TCAIM: variants seen among roughly 807,000 people sequenced by gnomAD.
TCAIM encodes the protein T-cell activation inhibitor, mitochondrial.
TCAIM carries 36 observed loss-of-function variants against 58.6 expected under a neutral mutation model. That is an observed-to-expected ratio of 0.61 (90% CI 0.47 to 0.81). The LOEUF is 0.81. TCAIM is among the 30% of genes least tolerant of loss of function. The probability of loss-of-function intolerance (pLI) is 0.00; values close to 1 mark genes in which losing one functional copy is unlikely to be tolerated. For missense variants in TCAIM, 466 were observed against 579.6 expected (o/e 0.80, Z 2.01); for synonymous variants, 172 against 193.6 (o/e 0.89, Z 0.93).
rs1702123809 is a variant in TCAIM, at chr3:44,407,747, C to T, written c.*65C>T. The T allele has an allele frequency of 7.0e-6, 10 of 1,437,304 alleles. No individual in the cohort carries two copies. Among genetic ancestry groups the T allele is most frequent in the Non-Finnish European group, 8.3e-6 (9 of 1,078,398 alleles). The allele number at this position is 1,437,304 out of a possible 1,614,324, so 89.0% of individuals were successfully genotyped here. A position where few individuals can be genotyped will look rare whatever the true frequency, so the allele number is the denominator to read the frequency against. Reference sequence around the variant, plus strand: ...AACTTAAATTAAAAATATTTAAATCCACAATTTGATATAACAGTATTATTT... The same window carrying T: ...AACTTAAATTAAAAATATTTAAATCTACAATTTGATATAACAGTATTATTT... On this transcript the variant is annotated 3_prime_UTR_variant, in exon 11 of 11. Transcript: ENST00000342649.
At chr3:44,399,299 T>C (rs1395072912) in intron 8 of TCAIM, among the ~76,000 whole-genome samples, 1 of 152,186 alleles carries the variant, frequency 6.6e-6, no homozygotes, top group Non-Finnish European at 1.5e-5. Flanking sequence ...TAAAAAGCTT[T>C]TAAAATGTAG....
In TCAIM at chr3:44,361,400, C is replaced by CT; in HGVS notation, c.202dup (p.Tyr68LeufsTer37). On this transcript the variant is annotated frameshift_variant, in exon 4 of 11. Transcript: ENST00000342649. LOFTEE classifies it high-confidence loss of function. ...AAAATTCTCTTAAAAGGTTAAGTGT[C>CT]TACCTAGAAAACCTCCAGAAACCAG... The CT allele has an allele frequency of 6.2e-7, 1 of 1,610,794 alleles. No individual in the cohort carries two copies. Among genetic ancestry groups the CT allele is most frequent in the Non-Finnish European group, 8.5e-7 (1 of 1,178,974 alleles).
intron 5 of TCAIM, among the ~76,000 whole-genome samples, chr3:44,371,433 T>C (rs1701467857): frequency 1.3e-5 from 2 of 152,174 alleles, no homozygotes; most frequent in Non-Finnish European, 2.9e-5. Flanking sequence ...AGTTTGAGTT[T>C]AGCTTAAGAA....
At chr3:44,395,560 CTTCAGTTACA>C (rs1467991079) in intron 6 of TCAIM, among the ~76,000 whole-genome samples, 1 of 152,198 alleles carries the variant, frequency 6.6e-6, no homozygotes, top group Non-Finnish European at 1.5e-5. Flanking sequence ...GACCGGTGCT[CTTCAGTTACA>C]CAGCAGGGCC....
At chr3:44,362,301 G>C (rs1701306348) in intron 4 of TCAIM, 2 of 398,104 alleles carry the variant, frequency 5.0e-6, no homozygotes, top group South Asian at 2.6e-4. Context: ...CAGTGACCTA[G>C]CTGTGTGACC....
chr3:44,357,723 T>TC lies in TCAIM; in HGVS notation c.30-16dup, dbSNP rs1463848256. The TC allele has an allele frequency of 2.5e-6, 4 of 1,613,372 alleles. No homozygotes were observed. The highest frequency in any genetic ancestry group is 3.4e-6 in the Non-Finnish European group (4 of 1,179,776). ...TGTGAGTGCCTCAATGAATAACCAG[T>TC]CCACATCTTTTTAAAAGGTTATGTC... On this transcript the variant is annotated splice_polypyrimidine_tract_variant and intron_variant, in intron 2 of 10. Transcript: ENST00000342649.
At chr3:44,361,296 A>G in intron 3 of TCAIM, 69 bp from the exon 4 acceptor site, 1 of 1,344,958 alleles carries the variant, frequency 7.4e-7, no homozygotes, top group Non-Finnish European at 1.0e-6. Context: ...TTAAAAGGTT[A>G]GATAGATATC....
chr3:44,401,126 A>C, intron 9 of TCAIM, 77 bp from the exon 10 acceptor site: 1 of 1,544,028 alleles, frequency 6.5e-7, no homozygotes, highest in Non-Finnish European at 8.7e-7. Context: ...ATTTTCCTGA[A>C]GACTAATAAA....
chr3:44,399,193 G>A (rs568900313), intron 8 of TCAIM, among the ~76,000 whole-genome samples: 5 of 152,236 alleles, frequency 3.3e-5, no homozygotes, highest in African/African-American at 9.6e-5. Flanking sequence ...TTAATGAATT[G>A]TATCAATGTC....
chr3:44,397,002 A>G lies in TCAIM; in HGVS notation c.885+168A>G, dbSNP rs576769009. Among the ~76,000 whole-genome samples, 88 of 152,338 alleles carry G rather than the reference A, an allele frequency of 5.8e-4. 2 individuals are homozygous for G. The South Asian group carries it at 0.017, about 29-fold the overall frequency. ...TTTTCAGATCAGATGCTTAAATACC[A>G]TGTACTTAAAATACTTAAGAGGAAA... On this transcript the variant is annotated intron_variant, in intron 8 of 10. Transcript: ENST00000342649.
chr3:44,387,966 C>T (rs1021587875), intron 5 of TCAIM, among the ~76,000 whole-genome samples: 3 of 151,970 alleles, frequency 2.0e-5, no homozygotes, highest in Non-Finnish European at 2.9e-5. Context: ...CATGTAACCT[C>T]CACCCAGATT....
In TCAIM at chr3:44,396,923, G is replaced by C. The variant is rs549083002; in HGVS notation, c.885+89G>C. 2.3e-6 allele frequency: 3 copies of C among 1,289,762 alleles called. No individual in the cohort carries two copies. The African/African-American group carries it at 4.5e-5, about 19-fold the overall frequency. The allele number at this position is 1,289,762 out of a possible 1,614,324, so 79.9% of individuals were successfully genotyped here. A position where few individuals can be genotyped will look rare whatever the true frequency, so the allele number is the denominator to read the frequency against. ...TGTAATGTTAAGGGACTAAAAAAAG[G>C]TTTGTTGTGTTTTTGTTTTTGTTTT... On this transcript the variant is annotated intron_variant, in intron 8 of 10. Coordinates refer to ENST00000342649, the MANE Select transcript of TCAIM (RefSeq NM_173826.4).
At chr3:44,386,165 A>G (rs1430597567) in intron 5 of TCAIM, among the ~76,000 whole-genome samples, 2 of 127,932 alleles carry the variant, frequency 1.6e-5, no homozygotes, top group Non-Finnish European at 3.1e-5. Context: ...GTGAGCTGAG[A>G]TTGCACCACT....
At chr3:44,373,938 A>G (rs1048152280) in intron 5 of TCAIM, among the ~76,000 whole-genome samples, 3 of 152,230 alleles carry the variant, frequency 2.0e-5, no homozygotes, top group African/African-American at 7.2e-5. Context: ...CAAACATGTC[A>G]TTGAACTAGA....
chr3:44,400,313 A>T, intron 8 of TCAIM, 42 bp from the exon 9 acceptor site: 1 of 1,416,570 alleles, frequency 7.1e-7, no homozygotes, highest in Non-Finnish European at 9.7e-7. Context: ...TTATTATAGT[A>T]ACATAAAACT....
At position 44,361,530 on chromosome 3, in the gene TCAIM, A is replaced by G. The variant is rs760252931; in HGVS notation, c.319+12A>G. ...TTTTAGTACTTCCGGTACGTTTTTT[A>G]TTTCTGGTGTGTCCCTTGCAAGCTT... On this transcript the variant is annotated intron_variant, in intron 4 of 10. Transcript: ENST00000342649. 4 of 1,584,390 alleles carry G rather than the reference A, an allele frequency of 2.5e-6. No homozygotes were observed. The Admixed American group carries it at 7.6e-5, about 30-fold the overall frequency.
chr3:44,396,424 C>T lies in TCAIM; in HGVS notation c.720C>T (p.Ala240=). The T allele has an allele frequency of 6.2e-7, 1 of 1,613,628 alleles. No homozygotes were observed. The highest frequency in any genetic ancestry group is 8.5e-7 in the Non-Finnish European group (1 of 1,179,904). The change falls in exon 7 of 11, where the codon GCC becomes GCT. Residue 240 remains alanine (A), a synonymous_variant. Coordinates refer to ENST00000342649, the MANE Select transcript of TCAIM (RefSeq NM_173826.4). The stretch of plus-strand genomic sequence containing the variant: ...GGTGGCAGAGGAGCTGGGGCATCGC[C>T]CACCGCTGTAGCCAGCTGCATAGTT... ...DIRWQRSWGI[A]HRCSQLHSLS... is the part of the protein sequence containing the mutation.
chr3:44,339,081 A>T (rs1331505423), intron 1 of TCAIM, among the ~76,000 whole-genome samples: 1 of 135,054 alleles, frequency 7.4e-6, no homozygotes, highest in African/African-American at 2.8e-5. Context: ...TTTACGGGAA[A>T]TTGTTACGTA....
Position 44,407,913 on chromosome 3 carries a change from G to A in TCAIM, c.*231G>A, listed in dbSNP as rs1479458080. ...CTACTTAGGGAGGCTAAGATAGGAG[G>A]ATCACTTGAGCCCAGGAGGCCAAGG... On this transcript the variant is annotated 3_prime_UTR_variant, in exon 11 of 11. Coordinates refer to ENST00000342649, the MANE Select transcript of TCAIM (RefSeq NM_173826.4). 8.3e-6 allele frequency: 3 copies of A among 359,828 alleles called. No homozygotes were observed. Among genetic ancestry groups the A allele is most frequent in the Non-Finnish European group, 1.5e-5 (3 of 205,566 alleles). The allele number at this position is 359,828 out of a possible 1,614,324, so 22.3% of individuals were successfully genotyped here. A position where few individuals can be genotyped will look rare whatever the true frequency, so the allele number is the denominator to read the frequency against.
Sources: gnomAD v4.1 joint callset for allele counts (sites outside exome capture counted in the v4.1 genomes callset) on GRCh38, gnomAD v4.1.1 for gene constraint, MANE v1.5 for transcripts, NCBI Gene and HGNC (gene_info 2026-07-23, HGNC 2026-07-21) for gene names.